The following PTPRZ1 variants were observed in gnomAD, a reference collection of about 807,000 sequenced individuals.
PTPRZ1 encodes protein tyrosine phosphatase receptor type Z1, also known as receptor-type tyrosine-protein phosphatase zeta.
PTPRZ1 carries 82 observed loss-of-function variants against 214.1 expected under a neutral mutation model. That is an observed-to-expected ratio of 0.38 (90% confidence interval 0.32 to 0.46). The LOEUF (loss-of-function observed/expected upper bound fraction) is 0.46. PTPRZ1 is among the 20% of genes least tolerant of loss of function. The pLI is 1.00. For missense variants in PTPRZ1, 2,603 were observed against 2,748.7 expected (o/e 0.95, Z 1.19); for synonymous variants, 945 against 987.9 (o/e 0.96, Z 0.81).
chr7:122,044,054 A>G (rs1584772701), intron 22 of PTPRZ1, among the ~76,000 whole-genome samples: 1 of 152,230 alleles, frequency 6.6e-6, no homozygotes, highest in African/African-American at 2.4e-5. Context: ...GCGTTGCCAG[A>G]AGGGGTAGGC....
intron 1 of PTPRZ1, among the ~76,000 whole-genome samples, chr7:121,914,410 A>G (rs1325200346): frequency 1.3e-5 from 2 of 152,168 alleles, no homozygotes; most frequent in East Asian, 1.9e-4. Flanking sequence ...CTTTATGTAT[A>G]GAAAAGGTTC....
intron 1 of PTPRZ1, among the ~76,000 whole-genome samples, chr7:121,911,816 AC>A (rs1295915412): frequency 6.6e-6 from 1 of 152,102 alleles, no homozygotes; most frequent in Admixed American, 6.6e-5. Flanking sequence ...CATATGAAAT[AC>A]ATTTCACTTT....
chr7:122,052,778 T>C (rs980328425), intron 25 of PTPRZ1, among the ~76,000 whole-genome samples: 1 of 152,198 alleles, frequency 6.6e-6, no homozygotes, highest in Non-Finnish European at 1.5e-5. Context: ...TCCTCTCTTG[T>C]AGAGGCAACC....
chr7:122,055,075 A>T lies in PTPRZ1; in HGVS notation c.6516A>T (p.Leu2172Phe). 6.3e-7 allele frequency: 1 copy of T among 1,581,242 alleles called. No homozygotes were observed. Among genetic ancestry groups the T allele is most frequent in the Non-Finnish European group, 8.6e-7 (1 of 1,157,420 alleles). Residue 2172 changes from leucine (L) to phenylalanine (F), a missense_variant, in exon 27 of 30, where the codon TTA becomes TTT. Leu to Phe is a conservative substitution (Grantham distance 22). Around this residue, in one of 6 missense-constraint regions of PTPRZ1, gnomAD observed 134 missense variants for 183.3 expected, o/e 0.73. Coordinates refer to ENST00000393386, the MANE Select transcript of PTPRZ1 (RefSeq NM_002851.3). Reference protein sequence around the residue: ...EEKLIIQDFILEATQDDYVLE... With the variant: ...EEKLIIQDFIFEATQDDYVLE... The stretch of plus-strand genomic sequence containing the variant: ...AACTTATAATTCAGGACTTTATCTT[A>T]GAAGCTACACAGGTAAGGATATAAG...
intron 23 of PTPRZ1, among the ~76,000 whole-genome samples, chr7:122,045,127 T>C (rs1428620818): frequency 6.6e-6 from 1 of 152,168 alleles, no homozygotes; most frequent in Non-Finnish European, 1.5e-5. Context: ...GCTCTCTGAC[T>C]TTCAGAAATC....
chr7:121,964,270 G>T (rs774605300), intron 2 of PTPRZ1, among the ~76,000 whole-genome samples: 1 of 152,192 alleles, frequency 6.6e-6, no homozygotes, highest in African/African-American at 2.4e-5. Flanking sequence ...ATAAAGGAAA[G>T]AAGTTTAATT....
chr7:121,911,503 A>G (rs1399839777), intron 1 of PTPRZ1, among the ~76,000 whole-genome samples: 1 of 152,060 alleles, frequency 6.6e-6, no homozygotes, highest in Non-Finnish European at 1.5e-5. Flanking sequence ...ATGTTTCTAG[A>G]TTGCGTACAT....
intron 23 of PTPRZ1, among the ~76,000 whole-genome samples, chr7:122,046,389 T>C (rs557366218): frequency 1.2e-4 from 18 of 151,886 alleles, no homozygotes; most frequent in African/African-American, 3.1e-4. Flanking sequence ...GTCTGGGAGA[T>C]AGAGTGAGAC....
At position 122,061,755 on chromosome 7, in the gene PTPRZ1, G is replaced by A. The variant is rs1414628472; in HGVS notation, c.*535G>A. 6.6e-6 allele frequency: 1 copy of A among 152,402 alleles called. No homozygotes were observed. Among genetic ancestry groups the A allele is most frequent in the Admixed American group, 6.6e-5 (1 of 15,254 alleles). The allele number at this position is 152,402 out of a possible 1,614,324, so 9.4% of individuals were successfully genotyped here. On this transcript the variant is annotated 3_prime_UTR_variant, in exon 30 of 30. Transcript: ENST00000393386. ...ATGGACCAAATTTATATTTATAATTGTAGATTTTTATATTTTACTACTGAG... is the reference window on the plus strand; with the variant it reads ...ATGGACCAAATTTATATTTATAATTATAGATTTTTATATTTTACTACTGAG...
chr7:121,945,003 A>C (rs1290076147), intron 2 of PTPRZ1, among the ~76,000 whole-genome samples: 2 of 152,098 alleles, frequency 1.3e-5, no homozygotes, highest in East Asian at 3.8e-4. Context: ...AACCCTGGGG[A>C]GTATGTTTGA....
intron 11 of PTPRZ1, among the ~76,000 whole-genome samples, chr7:122,005,189 T>C (rs1308611909): frequency 6.6e-6 from 1 of 152,036 alleles, no homozygotes; most frequent in Non-Finnish European, 1.5e-5. Context: ...GCACTTATAC[T>C]ACGAGTAGTC....
intron 1 of PTPRZ1, among the ~76,000 whole-genome samples, chr7:121,910,746 A>G (rs1016797249): frequency 6.6e-6 from 1 of 152,142 alleles, no homozygotes; most frequent in Non-Finnish European, 1.5e-5. Context: ...GTTTGGGTAG[A>G]GGCACGATAA....
intron 1 of PTPRZ1, among the ~76,000 whole-genome samples, chr7:121,925,798 A>C (rs1389065593): frequency 1.3e-5 from 2 of 152,212 alleles, no homozygotes; most frequent in African/African-American, 4.8e-5. Context: ...ATAAATTCAT[A>C]TCTTTATGAC....
intron 22 of PTPRZ1, 31 bp downstream of exon 22, chr7:122,042,774 T>C (rs766527346): frequency 6.3e-7 from 1 of 1,587,472 alleles, no homozygotes; most frequent in Non-Finnish European, 8.6e-7. Flanking sequence ...ATTTTATTCA[T>C]CTAAGGTATG....
In PTPRZ1 at chr7:122,012,049, T is replaced by C; in HGVS notation, c.3003T>C (p.Ser1001=). The C allele has an allele frequency of 6.2e-7, 1 of 1,614,278 alleles. No homozygotes were observed. The highest frequency in any genetic ancestry group is 8.5e-7 in the Non-Finnish European group (1 of 1,180,056). ...SGDGEWSGAS[S]DSEFLLPDTD... ...ATGGGGAATGGTCTGGAGCCTCTTC[T>C]GATAGTGAATTTCTTTTACCTGACA... The change falls in exon 12 of 30, where the codon TCT becomes TCC. Residue 1001 remains serine, a synonymous_variant. Coordinates refer to ENST00000393386, the MANE Select transcript of PTPRZ1 (RefSeq NM_002851.3).
At chr7:121,959,794 A>C (rs191380154) in intron 2 of PTPRZ1, among the ~76,000 whole-genome samples, 1 of 152,338 alleles carries the variant, frequency 6.6e-6, no homozygotes, top group East Asian at 1.9e-4. Context: ...ATTTGAATCC[A>C]AGTCACTCAC....
intron 6 of PTPRZ1, 66 bp downstream of exon 6, chr7:121,976,917 A>G: frequency 4.4e-6 from 6 of 1,377,514 alleles, no homozygotes; most frequent in Non-Finnish European, 6.1e-6. Context: ...TGTTGACAAT[A>G]CGACAAAAGT....
rs532320918 is a variant in PTPRZ1, at chr7:122,061,949, G to GTT, written c.*733_*734dup. 249 of 152,684 alleles carry GTT rather than the reference G, an allele frequency of 1.6e-3. 2 individuals carry two copies. The highest frequency in any genetic ancestry group is 5.5e-3 in the African/African-American group (229 of 41,544). 9.5% of individuals were successfully genotyped at this position (152,684 alleles called of 1,614,324 possible). ...TAGAAATACCTTCATTTTGAAAGAAGTTTTTATGAGAATAACACCTTACCA... is the reference window on the plus strand; with the variant it reads ...TAGAAATACCTTCATTTTGAAAGAAGTTTTTTTATGAGAATAACACCTTACCA... On this transcript the variant is annotated 3_prime_UTR_variant, in exon 30 of 30. Transcript: ENST00000393386.
chr7:121,988,217 C>T (rs185666062), intron 8 of PTPRZ1, among the ~76,000 whole-genome samples: 2 of 152,062 alleles, frequency 1.3e-5, no homozygotes, highest in African/African-American at 2.4e-5. Context: ...AGGGGCCCTT[C>T]GTTTGCCAAA....
Sources: allele counts gnomAD v4.1 joint callset (sites outside exome capture counted in the v4.1 genomes callset), GRCh38; gene constraint gnomAD v4.1.1; regional missense constraint gnomAD v4.1.1; transcripts MANE v1.5; gene names NCBI Gene and HGNC (gene_info 2026-07-23, HGNC 2026-07-21).